Variants in PARD3 observed in about 807,000 individuals in gnomAD.
The protein encoded by PARD3 is partitioning defective 3 homolog.
PARD3 carries 75 observed loss-of-function variants against 155.4 expected under a neutral mutation model. The ratio of observed to expected loss-of-function variants is 0.48; its 90% confidence interval spans 0.40 to 0.58. The LOEUF is 0.58. Ranked by LOEUF, PARD3 falls within the 20% of genes least tolerant of loss-of-function variation. PARD3 has a pLI of 0.00. For synonymous variants in PARD3, 576 were observed against 610.5 expected, an observed-to-expected ratio of 0.94 and a Z score of 0.83; for missense variants, 1,642 against 1,721.7, an observed-to-expected ratio of 0.95 and a Z score of 0.82.
chr10:34,419,105 T>C (rs1246986756), intron 5 of PARD3, among the ~76,000 whole-genome samples: 1 of 152,084 alleles, frequency 6.6e-6, no homozygotes, highest in Admixed American at 6.6e-5. Flanking sequence ...CATGTGTTCA[T>C]AAAATTAAAT....
chr10:34,579,465 T>C (rs2087204649), intron 2 of PARD3, among the ~76,000 whole-genome samples: 1 of 151,924 alleles, frequency 6.6e-6, no homozygotes, highest in Non-Finnish European at 1.5e-5. Context: ...TGAATGGGCA[T>C]TTGGTTAAAA....
chr10:34,744,104 G>T (rs186269463), intron 1 of PARD3, among the ~76,000 whole-genome samples: 2 of 152,166 alleles, frequency 1.3e-5, no homozygotes. Flanking sequence ...GTGCCAACTA[G>T]ACCAGTCACC....
intron 22 of PARD3, among the ~76,000 whole-genome samples, chr10:34,137,884 C>A (rs369212531): frequency 3.7e-4 from 56 of 152,308 alleles, no homozygotes; most frequent in African/African-American, 1.3e-3. Flanking sequence ...TGCTATGTGA[C>A]AGCACTGCAG....
At chr10:34,179,163 T>TGCGCAC (rs1443284238) in intron 22 of PARD3, among the ~76,000 whole-genome samples, 1 of 131,066 alleles carries the variant, frequency 7.6e-6, no homozygotes, top group Non-Finnish European at 1.7e-5. Flanking sequence ...CGCATGTGCG[T>TGCGCAC]GCGCGCACAC....
intron 4 of PARD3, among the ~76,000 whole-genome samples, chr10:34,462,904 G>A (rs1270257182): frequency 2.5e-5 from 3 of 119,400 alleles, no homozygotes; most frequent in African/African-American, 9.7e-5. Context: ...AGGAGAAAGG[G>A]GGAGAGGAGG....
chr10:34,408,825 A>G (rs1386124616), intron 5 of PARD3, among the ~76,000 whole-genome samples: 1 of 151,388 alleles, frequency 6.6e-6, no homozygotes, highest in African/African-American at 2.4e-5. Context: ...TAGAAAAGAC[A>G]ATATTAGATA....
intron 2 of PARD3, among the ~76,000 whole-genome samples, chr10:34,594,323 A>ACT (rs1038270413): frequency 5.6e-4 from 85 of 152,300 alleles, no homozygotes; most frequent in African/African-American, 2.0e-3. Flanking sequence ...TTACTTTTAA[A>ACT]CTCATATTTC....
intron 2 of PARD3, among the ~76,000 whole-genome samples, chr10:34,604,890 C>T (rs2090097295): frequency 6.6e-6 from 1 of 151,740 alleles, no homozygotes; most frequent in African/African-American, 2.4e-5. Context: ...TATAAGTTTA[C>T]ATTTTTCACT....
chr10:34,797,878 A>G (rs879274734), intron 1 of PARD3, among the ~76,000 whole-genome samples: 8 of 152,248 alleles, frequency 5.3e-5, no homozygotes, highest in Non-Finnish European at 7.3e-5. Context: ...GACCTTGCAC[A>G]TGTGTTGTCT....
intron 5 of PARD3, among the ~76,000 whole-genome samples, chr10:34,446,966 T>C (rs909972062): frequency 6.3e-4 from 96 of 152,308 alleles, no homozygotes; most frequent in African/African-American, 2.1e-3. Flanking sequence ...ACAAAATCAT[T>C]AATAATTTTA....
chr10:34,370,983 T>C (rs1418994904), intron 12 of PARD3, among the ~76,000 whole-genome samples: 3 of 152,128 alleles, frequency 2.0e-5, no homozygotes, highest in Non-Finnish European at 4.4e-5. Flanking sequence ...AGCTACTAAT[T>C]TGAAGTGCCA....
intron 3 of PARD3, among the ~76,000 whole-genome samples, chr10:34,492,979 A>C (rs2133341512): frequency 6.6e-6 from 1 of 152,358 alleles, no homozygotes; most frequent in South Asian, 2.1e-4. Flanking sequence ...CAAGAACGAA[A>C]GTGTTTACCA....
chr10:34,713,224 A>G (rs2094472674), intron 1 of PARD3, among the ~76,000 whole-genome samples: 1 of 151,842 alleles, frequency 6.6e-6, no homozygotes, highest in Non-Finnish European at 1.5e-5. Context: ...AAATAAATTA[A>G]TTAATTAATT....
chr10:34,799,583 T>G (rs373096258), intron 1 of PARD3, among the ~76,000 whole-genome samples: 2 of 152,104 alleles, frequency 1.3e-5, no homozygotes, highest in African/African-American at 4.8e-5. Context: ...ACCCTGTTCT[T>G]CTCCCGCGGG....
intron 22 of PARD3, among the ~76,000 whole-genome samples, chr10:34,177,866 G>A (rs566096453): frequency 2.2e-4 from 33 of 152,272 alleles, no homozygotes; most frequent in African/African-American, 7.7e-4. Flanking sequence ...TCTGCTGCAC[G>A]TGTGTTTCTT....
chr10:34,784,732 C>G (rs1370104987), intron 1 of PARD3, among the ~76,000 whole-genome samples: 1 of 152,138 alleles, frequency 6.6e-6, no homozygotes, highest in East Asian at 1.9e-4. Flanking sequence ...CCACCGTGCC[C>G]GGCCCCAATA....
chr10:34,114,307 T>A (rs903129532), intron 24 of PARD3, among the ~76,000 whole-genome samples: 1 of 152,158 alleles, frequency 6.6e-6, no homozygotes, highest in Non-Finnish European at 1.5e-5. Flanking sequence ...TAGGGAGGCA[T>A]CTTTTTGACC....
rs80175800 is a variant in PARD3, at chr10:34,653,666, C to T, written c.222+42652G>A. ...CAGGTGTGGTGGTGCACCTGTGGTC[C>T]CAGCTACACAAGAGGCTGAGGCAGG... is the stretch of plus-strand genomic sequence containing the variant. On this transcript the variant is annotated intron_variant, in intron 2 of 24. Coordinates refer to ENST00000374788, the MANE Select transcript of PARD3 (RefSeq NM_001184785.2). 3.2e-3 allele frequency among the ~76,000 whole-genome samples: 493 copies of T among 151,926 alleles called. 1 individual carries two copies. Among genetic ancestry groups the T allele is most frequent in the Non-Finnish European group, 5.7e-3 (386 of 67,962 alleles).
intron 5 of PARD3, among the ~76,000 whole-genome samples, chr10:34,421,704 T>C (rs904642580): frequency 8.5e-5 from 13 of 152,298 alleles, no homozygotes; most frequent in Admixed American, 2.6e-4. Context: ...CTAAGTGCCA[T>C]CCCAGGTGCT....
Sources: allele counts gnomAD v4.1 joint callset (sites outside exome capture counted in the v4.1 genomes callset), GRCh38; gene constraint gnomAD v4.1.1; transcripts MANE v1.5; gene names NCBI Gene and HGNC (gene_info 2026-07-23, HGNC 2026-07-21).